Variants in CNTN4 observed in about 807,000 individuals in gnomAD.
CNTN4 encodes contactin-4.
In CNTN4, 77 loss-of-function variants were observed where a neutral mutation model predicts 122.5. That is an observed-to-expected ratio of 0.63 (90% confidence interval 0.52 to 0.76). The LOEUF (loss-of-function observed/expected upper bound fraction) is 0.76. Ranked by LOEUF, CNTN4 falls within the 30% of genes least tolerant of loss-of-function variation. The probability of loss-of-function intolerance (pLI) is 0.00; values close to 1 mark genes in which losing one functional copy is unlikely to be tolerated. For missense variants in CNTN4, 1,256 were observed against 1,259.1 expected (o/e 1.00, Z 0.04); for synonymous variants, 512 against 447.0 (o/e 1.15, Z -1.83).
intron 4 of CNTN4, among the ~76,000 whole-genome samples, chr3:2,573,685 C>G (rs1012422741): frequency 1.3e-5 from 2 of 152,098 alleles, no homozygotes; most frequent in African/African-American, 2.4e-5. Context: ...GGAATTCTCA[C>G]CTAAGGTGTG....
At chr3:2,675,852 C>T (rs1450121466) in intron 4 of CNTN4, among the ~76,000 whole-genome samples, 1 of 152,156 alleles carries the variant, frequency 6.6e-6, no homozygotes, top group Non-Finnish European at 1.5e-5. Context: ...TCTGTTATCT[C>T]ATTTGTTTCT....
chr3:2,440,528 G>A (rs918834318), intron 3 of CNTN4, among the ~76,000 whole-genome samples: 5 of 152,008 alleles, frequency 3.3e-5, no homozygotes, highest in African/African-American at 7.2e-5. Flanking sequence ...TAATATGTGC[G>A]TGTTGTGCTA....
chr3:2,631,199 GA>G (rs2082414664), intron 4 of CNTN4, among the ~76,000 whole-genome samples: 1 of 152,148 alleles, frequency 6.6e-6, no homozygotes, highest in Non-Finnish European at 1.5e-5. Context: ...GCTTAAGGGG[GA>G]AAAAGGAAAG....
chr3:2,765,218 A>G (rs191682538), intron 6 of CNTN4, among the ~76,000 whole-genome samples: 4 of 152,304 alleles, frequency 2.6e-5, no homozygotes, highest in Non-Finnish European at 5.9e-5. Context: ...GTGTAGTACA[A>G]AGAGATAGAG....
rs2093256863 is a variant in CNTN4 at position 2,837,590 on chromosome 3, A to C, written c.454+18009A>C. Among the ~76,000 whole-genome samples the C allele has an allele frequency of 2.6e-5, 4 of 152,338 alleles. No homozygotes were observed. In the South Asian group the frequency reaches 8.3e-4, roughly 32 times the overall value. Reference sequence around the variant, plus strand: ...TACACATATAACCACCCCCGTTCCCAAATGGCACTGTAGCCTAGTTAAGAA... The same window carrying C: ...TACACATATAACCACCCCCGTTCCCCAATGGCACTGTAGCCTAGTTAAGAA... On this transcript the variant is annotated intron_variant, in intron 7 of 24. Transcript: ENST00000418658.
intron 2 of CNTN4, among the ~76,000 whole-genome samples, chr3:2,253,401 A>C (rs2149694047): frequency 6.6e-6 from 1 of 151,814 alleles, no homozygotes; most frequent in East Asian, 1.9e-4. Flanking sequence ...CAGAATTAAA[A>C]AGTTGTAACA....
chr3:2,975,847 C>T (rs1362312), intron 13 of CNTN4, among the ~76,000 whole-genome samples: 59,059 of 151,944 alleles, frequency 0.39, 12,428 homozygotes, highest in African/African-American at 0.57. Context: ...AATAATATTG[C>T]TTTAAATAAT....
chr3:2,540,942 C>T (rs564103064), intron 3 of CNTN4, among the ~76,000 whole-genome samples: 11 of 152,152 alleles, frequency 7.2e-5, no homozygotes, highest in Non-Finnish European at 1.5e-4. Flanking sequence ...TTGGCGAGTA[C>T]AGAAATATTG....
chr3:2,839,678 T>G (rs2093310499), intron 7 of CNTN4, among the ~76,000 whole-genome samples: 1 of 152,070 alleles, frequency 6.6e-6, no homozygotes, highest in African/African-American at 2.4e-5. Context: ...AAGTAAAGAG[T>G]ACACATCTCA....
At chr3:2,418,946 A>C (rs182734447) in intron 3 of CNTN4, among the ~76,000 whole-genome samples, 83 of 152,312 alleles carry the variant, frequency 5.4e-4, no homozygotes, top group Middle Eastern at 3.4e-3. Context: ...TTTGGATCTC[A>C]TGCCAGGACA....
At chr3:2,440,557 G>A (rs546177965) in intron 3 of CNTN4, among the ~76,000 whole-genome samples, 4 of 151,976 alleles carry the variant, frequency 2.6e-5, no homozygotes, top group South Asian at 4.1e-4. Context: ...AACTGATGTC[G>A]TGTGAGTGTA....
At chr3:2,828,152 TATA>T (rs2093027769) in intron 7 of CNTN4, among the ~76,000 whole-genome samples, 1 of 152,082 alleles carries the variant, frequency 6.6e-6, no homozygotes, top group Admixed American at 6.6e-5. Flanking sequence ...TGCGTGTGTG[TATA>T]ATGAGAGAAG....
chr3:2,592,855 A>G (rs758421734), intron 4 of CNTN4, among the ~76,000 whole-genome samples: 1 of 152,234 alleles, frequency 6.6e-6, no homozygotes, highest in African/African-American at 2.4e-5. Context: ...AGCCTTAGAA[A>G]TGCTCACATA....
intron 2 of CNTN4, among the ~76,000 whole-genome samples, chr3:2,229,660 A>C (rs1000429998): frequency 6.6e-6 from 1 of 152,204 alleles, no homozygotes; most frequent in African/African-American, 2.4e-5. Context: ...ATAGTAAATA[A>C]ATAAGAGTAA....
intron 13 of CNTN4, among the ~76,000 whole-genome samples, chr3:2,962,076 T>G (rs181724261): frequency 2.6e-5 from 4 of 152,354 alleles, no homozygotes; most frequent in Admixed American, 1.3e-4. Flanking sequence ...CCAAGACTTA[T>G]AGACTCTCTG....
chr3:2,299,879 T>G (rs1188969386), intron 2 of CNTN4, among the ~76,000 whole-genome samples: 1 of 152,322 alleles, frequency 6.6e-6, no homozygotes, highest in African/African-American at 2.4e-5. Flanking sequence ...TAAATTTTAC[T>G]CAAGTTTAAA....
At chr3:2,965,527 C>T (rs1174732589) in intron 13 of CNTN4, among the ~76,000 whole-genome samples, 1 of 152,190 alleles carries the variant, frequency 6.6e-6, no homozygotes, top group Non-Finnish European at 1.5e-5. Flanking sequence ...GCCACATTTG[C>T]TTAGCCATCT....
intron 7 of CNTN4, among the ~76,000 whole-genome samples, chr3:2,843,508 A>C (rs1030650349): frequency 6.6e-6 from 1 of 152,162 alleles, no homozygotes; most frequent in Non-Finnish European, 1.5e-5. Flanking sequence ...CCCAAATCTC[A>C]TGTTTAATTG....
chr3:2,579,511 A>G (rs1446704468), intron 4 of CNTN4, among the ~76,000 whole-genome samples: 1 of 148,490 alleles, frequency 6.7e-6, no homozygotes, highest in Non-Finnish European at 1.5e-5. Context: ...ATAAAGGTAC[A>G]TCATCTCCCT....
Sources: allele counts gnomAD v4.1 joint callset (sites outside exome capture counted in the v4.1 genomes callset), GRCh38; gene constraint gnomAD v4.1.1; transcripts MANE v1.5; gene names NCBI Gene and HGNC (gene_info 2026-07-23, HGNC 2026-07-21).